The following PGM2 variants were observed in gnomAD, a reference collection of about 807,000 sequenced individuals.
PGM2 encodes the protein phosphoglucomutase 2.
A neutral mutation model predicts 74.6 loss-of-function variants in PGM2; 57 were observed. The ratio of observed to expected loss-of-function variants is 0.76; its 90% CI spans 0.62 to 0.95. The LOEUF (loss-of-function observed/expected upper bound fraction) is 0.95, where lower values mean the gene tolerates loss of function less well. PGM2 is among the 40% of genes least tolerant of loss of function. PGM2 has a pLI of 0.00. For synonymous variants in PGM2, 273 were observed against 260.7 expected, an observed-to-expected ratio of 1.05 and a Z score of -0.46; for missense variants, 706 against 741.9, an observed-to-expected ratio of 0.95 and a Z score of 0.56.
chr4:37,850,744 A>G (rs908158395), intron 12 of PGM2, among the ~76,000 whole-genome samples: 6 of 152,148 alleles, frequency 3.9e-5, no homozygotes, highest in Admixed American at 6.5e-5. Flanking sequence ...TAATCCCAGC[A>G]CTTTGGGAGG....
chr4:37,851,324 C>T lies in PGM2; in HGVS notation c.1602+951C>T, dbSNP rs556907515. ...AGGTGGTACTGATGCAACTGGTCCT[C>T]ACTTTGAGAACCACTGTTTGTTTTC... On this transcript the variant is annotated intron_variant, in intron 12 of 13. Transcript: ENST00000381967. Among the ~76,000 whole-genome samples the T allele has an allele frequency of 4.6e-5, 7 of 152,360 alleles. No homozygotes were observed. The South Asian group carries it at 1.4e-3, about 32-fold the overall frequency.
chr4:37,861,446 G>C (rs1337941208), intron 13 of PGM2, 64 bp from the exon 14 acceptor site: 2 of 1,013,552 alleles, frequency 2.0e-6, no homozygotes, highest in African/African-American at 3.1e-5. Flanking sequence ...TCAATGGGGG[G>C]AGCATTTAAA....
intron 2 of PGM2, among the ~76,000 whole-genome samples, chr4:37,830,545 C>G (rs1019591002): frequency 3.3e-5 from 5 of 152,190 alleles, no homozygotes; most frequent in African/African-American, 1.2e-4. Flanking sequence ...TTACCAAGAG[C>G]CTGTTCTCCT....
intron 2 of PGM2, among the ~76,000 whole-genome samples, chr4:37,831,327 A>G (rs374409683): frequency 1.3e-5 from 2 of 152,104 alleles, no homozygotes; most frequent in African/African-American, 2.4e-5. Flanking sequence ...TGGTTCATGG[A>G]TAACATAGGA....
At chr4:37,841,072 GTATATATATATATATA>G (rs36127170) in intron 6 of PGM2, among the ~76,000 whole-genome samples, 27 of 113,802 alleles carry the variant, frequency 2.4e-4, no homozygotes, top group Middle Eastern at 9.3e-3. Flanking sequence ...ATATGCAAGC[GTATATATATATATATA>G]TATATATATA....
chr4:37,835,554 CTGTTATGATGAATT>C (rs1418742213), intron 3 of PGM2, among the ~76,000 whole-genome samples: 4 of 152,170 alleles, frequency 2.6e-5, no homozygotes, highest in Admixed American at 1.3e-4. Context: ...AACACTTCCT[CTGTTATGATGAATT>C]TTTAATCATT....
chr4:37,843,860 C>T (rs980183194), intron 6 of PGM2, among the ~76,000 whole-genome samples: 6 of 152,056 alleles, frequency 3.9e-5, no homozygotes, highest in African/African-American at 7.2e-5. Flanking sequence ...CCACCTGCCT[C>T]GGCCTCCCAA....
intron 6 of PGM2, among the ~76,000 whole-genome samples, chr4:37,842,208 TAAA>T (rs33959779): frequency 0.072 from 10,528 of 146,134 alleles, 672 homozygotes; most frequent in East Asian, 0.18. Flanking sequence ...ACTATATATA[TAAA>T]ATATATTTTT....
At chr4:37,833,035 G>A (rs942458265) in intron 2 of PGM2, among the ~76,000 whole-genome samples, 1 of 152,002 alleles carries the variant, frequency 6.6e-6, no homozygotes, top group South Asian at 2.1e-4. Context: ...ACAGCTCAAG[G>A]GTTGAGCAGG....
chr4:37,828,205 T>C (rs941676917), intron 1 of PGM2, among the ~76,000 whole-genome samples: 1 of 152,090 alleles, frequency 6.6e-6, no homozygotes, highest in African/African-American at 2.4e-5. Context: ...TGATAACTTG[T>C]AGCTTGCAGA....
chr4:37,842,122 C>A (rs1725745949), intron 6 of PGM2, among the ~76,000 whole-genome samples: 1 of 150,412 alleles, frequency 6.6e-6, no homozygotes, highest in African/African-American at 2.4e-5. Context: ...TGTGTTTGTT[C>A]ACCTTTTATA....
intron 1 of PGM2, among the ~76,000 whole-genome samples, chr4:37,829,658 G>T (rs1050204307): frequency 6.6e-6 from 1 of 152,112 alleles, no homozygotes; most frequent in South Asian, 2.1e-4. Flanking sequence ...AATAATCTGC[G>T]CAAGCACCTA....
At chr4:37,845,514 A>G (rs2152178464) in intron 7 of PGM2, 119 bp from the exon 8 acceptor site, 1 of 674,384 alleles carries the variant, frequency 1.5e-6, no homozygotes, top group Non-Finnish European at 2.6e-6. Flanking sequence ...GGTTGGTCCT[A>G]TATTATCTTT....
intron 12 of PGM2, among the ~76,000 whole-genome samples, chr4:37,851,440 G>A (rs1485093954): frequency 6.6e-6 from 1 of 152,078 alleles, no homozygotes; most frequent in Non-Finnish European, 1.5e-5. Context: ...TCTTTCACTG[G>A]AGACAAAAGA....
intron 12 of PGM2, among the ~76,000 whole-genome samples, chr4:37,853,755 G>C (rs995379357): frequency 2.0e-5 from 3 of 152,178 alleles, no homozygotes; most frequent in Non-Finnish European, 4.4e-5. Context: ...GGGCGGAGCT[G>C]GGGGTGTCAG....
intron 13 of PGM2, 87 bp from the exon 14 acceptor site, chr4:37,861,423 C>T: frequency 1.3e-6 from 1 of 779,996 alleles, no homozygotes. Flanking sequence ...GTTATATTTT[C>T]ATTGTCACTT....
rs1410872488 is a variant in PGM2 at position 37,837,588 on chromosome 4, C to G, written c.416C>G (p.Ser139Cys). The G allele has an allele frequency of 1.2e-6, 2 of 1,612,168 alleles. No homozygotes were observed. Among genetic ancestry groups the G allele is most frequent in the Non-Finnish European group, 8.5e-7 (1 of 1,178,200 alleles). ...ISQGIPVYLF[S>C]DITPTPFVPF... is the part of the protein sequence containing the mutation. ...CAGGGGATTCCTGTGTACCTCTTTT[C>G]TGATATAACGCCAACCCCCTTTGTG... Residue 139 changes from serine (S) to cysteine (C), a missense_variant, in exon 4 of 14, where the codon TCT becomes TGT. Ser to Cys is a moderately radical substitution (Grantham distance 112). Transcript: ENST00000381967.
chr4:37,836,221 T>C (rs1725563544), intron 3 of PGM2, among the ~76,000 whole-genome samples: 1 of 152,240 alleles, frequency 6.6e-6, no homozygotes, highest in African/African-American at 2.4e-5. Context: ...AAGTGAGTGA[T>C]GTTACTGATT....
intron 13 of PGM2, among the ~76,000 whole-genome samples, chr4:37,860,867 A>C (rs1047366819): frequency 6.6e-6 from 1 of 152,132 alleles, no homozygotes; most frequent in Admixed American, 6.6e-5. Flanking sequence ...ATTTTCTTAA[A>C]GGGATTTGTC....
Sources: gnomAD v4.1 joint callset for allele counts (sites outside exome capture counted in the v4.1 genomes callset) on GRCh38, gnomAD v4.1.1 for gene constraint, MANE v1.5 for transcripts, NCBI Gene and HGNC (gene_info 2026-07-23, HGNC 2026-07-21) for gene names.